The following UBE2D1 variants were observed in gnomAD, a reference collection of about 807,000 sequenced individuals.
UBE2D1 encodes the protein ubiquitin-conjugating enzyme E2 D1.
Under a neutral mutation model 24.6 loss-of-function variants are expected in UBE2D1, and 9 were observed. That is an observed-to-expected ratio of 0.37 (90% CI 0.22 to 0.64). The LOEUF is 0.64. UBE2D1 is among the 30% of genes least tolerant of loss of function. The pLI is 0.64. For missense variants in UBE2D1, 87 were observed against 177.1 expected (o/e 0.49, Z 2.89); for synonymous variants, 57 against 57.6 (o/e 0.99, Z 0.04).
intron 1 of UBE2D1, among the ~76,000 whole-genome samples, chr10:58,338,853 C>T (rs1362690282): frequency 6.6e-6 from 1 of 152,170 alleles, no homozygotes; most frequent in African/African-American, 2.4e-5. Context: ...AACATAGCAA[C>T]TCAGAGAACT....
chr10:58,363,987 C>G (rs1012146695), intron 4 of UBE2D1, among the ~76,000 whole-genome samples: 2 of 149,750 alleles, frequency 1.3e-5, no homozygotes, highest in African/African-American at 4.9e-5. Flanking sequence ...TCAGACTTTT[C>G]TATTCATGGG....
chr10:58,335,370 G>A (rs776154002), intron 1 of UBE2D1, 145 bp downstream of exon 1: 5 of 1,026,356 alleles, frequency 4.9e-6, no homozygotes, highest in Middle Eastern at 2.8e-4. Flanking sequence ...GGCTCGGGCC[G>A]GGCCAGCGGG....
At position 58,338,576 on chromosome 10, in the gene UBE2D1, A is replaced by G. The variant is rs140772191; in HGVS notation, c.24+3351A>G. Among the ~76,000 whole-genome samples, 4 of 152,264 alleles carry G rather than the reference A, an allele frequency of 2.6e-5. No individual in the cohort carries two copies. The East Asian group carries it at 5.8e-4, about 22-fold the overall frequency. ...CTAAGTTGTTTCTTCTATCAATACT[A>G]TTTTCATTACTTGAAACACTTTTTT... On this transcript the variant is annotated intron_variant, in intron 1 of 6. Coordinates refer to ENST00000373910, the MANE Select transcript of UBE2D1 (RefSeq NM_003338.5).
At position 58,335,051 on chromosome 10, in the gene UBE2D1, C is replaced by G. The variant is rs1196185729; in HGVS notation, c.-151C>G. On this transcript the variant is annotated 5_prime_UTR_variant, in exon 1 of 7. Transcript: ENST00000373910. ...GCTCGGGCGCACACGGAGCAGGGACCGGCGCCCGGAGCGAGCCAGGGAGCG... is the reference window on the plus strand; with the variant it reads ...GCTCGGGCGCACACGGAGCAGGGACGGGCGCCCGGAGCGAGCCAGGGAGCG... The G allele has an allele frequency of 1.3e-6, 1 of 784,626 alleles. No homozygotes were observed. The highest frequency in any genetic ancestry group is 3.0e-5 in the East Asian group (1 of 32,940). 48.6% of individuals were successfully genotyped at this position (784,626 alleles called of 1,614,324 possible).
intron 1 of UBE2D1, among the ~76,000 whole-genome samples, 183 bp downstream of exon 1, chr10:58,335,408 T>G (rs1483307283): frequency 6.6e-6 from 1 of 152,022 alleles, no homozygotes; most frequent in African/African-American, 2.4e-5. Flanking sequence ...GGGAGCAGGG[T>G]CAGGTCCCAG....
chr10:58,353,995 C>T (rs1184221557), intron 1 of UBE2D1, among the ~76,000 whole-genome samples: 1 of 152,080 alleles, frequency 6.6e-6, no homozygotes, highest in African/African-American at 2.4e-5. Flanking sequence ...AAATAAAGTG[C>T]ATAAAATTCT....
At chr10:58,339,853 C>G (rs535580020) in intron 1 of UBE2D1, among the ~76,000 whole-genome samples, 1 of 151,752 alleles carries the variant, frequency 6.6e-6, no homozygotes, top group Non-Finnish European at 1.5e-5. Flanking sequence ...CTACTGAAAG[C>G]TACCAAACTG....
At chr10:58,349,919 C>T (rs1221936172) in intron 1 of UBE2D1, among the ~76,000 whole-genome samples, 1 of 152,124 alleles carries the variant, frequency 6.6e-6, no homozygotes, top group Non-Finnish European at 1.5e-5. Flanking sequence ...TATCTTTTGT[C>T]TCTGGCTGCT....
At chr10:58,357,107 G>A (rs536095318) in intron 1 of UBE2D1, among the ~76,000 whole-genome samples, 144 of 152,234 alleles carry the variant, frequency 9.5e-4, no homozygotes, top group African/African-American at 3.3e-3. Context: ...CTATTAGAGT[G>A]AGGAATGTGG....
At chr10:58,355,207 G>A (rs547847370) in intron 1 of UBE2D1, among the ~76,000 whole-genome samples, 29 of 152,272 alleles carry the variant, frequency 1.9e-4, no homozygotes, top group Admixed American at 1.0e-3. Context: ...GAAAACCCAA[G>A]GGGGTTCTTT....
At chr10:58,347,639 C>CTTTTTTTTTTTTTTT (rs774396274) in intron 1 of UBE2D1, among the ~76,000 whole-genome samples, 10 of 116,242 alleles carry the variant, frequency 8.6e-5, no homozygotes, top group African/African-American at 3.4e-4. Flanking sequence ...AAATTACACT[C>CTTTTTTTTTTTTTTT]TTTTTTTTTT....
chr10:58,362,571 A>AT (rs1554830413), intron 3 of UBE2D1, among the ~76,000 whole-genome samples: 1 of 152,110 alleles, frequency 6.6e-6, no homozygotes, highest in Non-Finnish European at 1.5e-5. Flanking sequence ...TTTCACAAAT[A>AT]TTTTTTAGGT....
chr10:58,346,292 G>A (rs1006739917), intron 1 of UBE2D1, among the ~76,000 whole-genome samples: 1 of 152,136 alleles, frequency 6.6e-6, no homozygotes, highest in African/African-American at 2.4e-5. Flanking sequence ...GATTACAGGC[G>A]TGAGCCACCA....
At chr10:58,366,983 T>G (rs1295989380) in intron 5 of UBE2D1, among the ~76,000 whole-genome samples, 2 of 152,168 alleles carry the variant, frequency 1.3e-5, no homozygotes, top group South Asian at 2.1e-4. Context: ...CCCTGTTGGT[T>G]TAATATACAA....
At chr10:58,337,991 C>A (rs1454787228) in intron 1 of UBE2D1, among the ~76,000 whole-genome samples, 2 of 151,962 alleles carry the variant, frequency 1.3e-5, no homozygotes, top group African/African-American at 4.8e-5. Context: ...GGACTACAGG[C>A]GCATGCTGCC....
rs1346557960 is a variant in UBE2D1 at position 58,369,809 on chromosome 10, G to T, written c.*1044G>T. ...TATGTTGATCCCTTGCTGTAGAGGA[G>T]AATTTAGAGTAATTTGGGGTTTGTC... On this transcript the variant is annotated 3_prime_UTR_variant, in exon 7 of 7. Coordinates refer to ENST00000373910, the MANE Select transcript of UBE2D1 (RefSeq NM_003338.5). 1 of 151,920 alleles carries T rather than the reference G, an allele frequency of 6.6e-6. No homozygotes were observed. The highest frequency in any genetic ancestry group is 2.4e-5 in the African/African-American group (1 of 41,380). 9.4% of individuals were successfully genotyped at this position (151,920 alleles called of 1,614,324 possible). A position where few individuals can be genotyped will look rare whatever the true frequency, so the allele number is the denominator to read the frequency against.
chr10:58,360,814 G>C (rs1300399125), intron 1 of UBE2D1: 2 of 345,592 alleles, frequency 5.8e-6, no homozygotes, highest in Non-Finnish European at 1.1e-5. Flanking sequence ...CTCGGGGTAG[G>C]AGTGGGGGCC....
chr10:58,341,171 G>C (rs1156277917), intron 1 of UBE2D1, among the ~76,000 whole-genome samples: 2 of 152,162 alleles, frequency 1.3e-5, no homozygotes, highest in African/African-American at 2.4e-5. Flanking sequence ...GTTCATAAAT[G>C]CTCTGTCAAA....
chr10:58,343,193 T>C (rs1008625638), intron 1 of UBE2D1, among the ~76,000 whole-genome samples: 3 of 152,168 alleles, frequency 2.0e-5, no homozygotes, highest in Admixed American at 6.5e-5. Flanking sequence ...TATTTTCCAG[T>C]TGGTATCTAT....
Sources: gnomAD v4.1 joint callset for allele counts (sites outside exome capture counted in the v4.1 genomes callset) on GRCh38, gnomAD v4.1.1 for gene constraint, MANE v1.5 for transcripts, NCBI Gene and HGNC (gene_info 2026-07-23, HGNC 2026-07-21) for gene names.